Variants in RORA observed in about 807,000 individuals in gnomAD.
RORA encodes the protein nuclear receptor ROR-alpha.
RORA carries 7 observed loss-of-function variants against 69.5 expected under a neutral mutation model. The observed-to-expected ratio is 0.10, with a 90% CI of 0.06 to 0.19. The LOEUF (loss-of-function observed/expected upper bound fraction) is 0.19, where lower values mean the gene tolerates loss of function less well. Among genes scored for constraint, RORA ranks in the 10% least tolerant of loss-of-function variants. The pLI is 1.00. For missense variants in RORA, 457 were observed against 663.0 expected (o/e 0.69, Z 3.41); for synonymous variants, 261 against 240.8 (o/e 1.08, Z -0.78).
At chr15:61,141,829 G>A (rs147966049) in intron 1 of RORA, among the ~76,000 whole-genome samples, 25 of 152,316 alleles carry the variant, frequency 1.6e-4, no homozygotes, top group African/African-American at 5.3e-4. Flanking sequence ...AGGAGGCACA[G>A]AGACAAACTT....
chr15:60,947,688 T>TAAAAAAAAAAAAAA (rs35887206), intron 1 of RORA, among the ~76,000 whole-genome samples: 4 of 102,944 alleles, frequency 3.9e-5, no homozygotes, highest in African/African-American at 4.2e-5. Flanking sequence ...GAATGATCAA[T>TAAAAAAAAAAAAAA]AAAAAAAAAA....
chr15:60,553,441 T>C (rs1161126783), intron 2 of RORA, among the ~76,000 whole-genome samples: 1 of 152,154 alleles, frequency 6.6e-6, no homozygotes, highest in South Asian at 2.1e-4. Context: ...TCACAGAGAC[T>C]AACAGCTATT....
intron 2 of RORA, among the ~76,000 whole-genome samples, chr15:60,597,081 A>G (rs776914655): frequency 2.6e-5 from 4 of 152,290 alleles, no homozygotes; most frequent in Non-Finnish European, 5.9e-5. Context: ...AAGGTGTAAC[A>G]TGTCTGGTTG....
Position 61,143,493 on chromosome 15 carries a change from C to G in RORA, c.166+85560G>C, listed in dbSNP as rs532356920. On this transcript the variant is annotated intron_variant, in intron 1 of 10. Transcript: ENST00000335670. Reference sequence around the variant, plus strand: ...ACCTGTGAGCATTGCCAGTAAAATTCTGAAATATAAGGTTATTAACTCTAT... The same window carrying G: ...ACCTGTGAGCATTGCCAGTAAAATTGTGAAATATAAGGTTATTAACTCTAT... Among the ~76,000 whole-genome samples the G allele has an allele frequency of 1.4e-4, 22 of 152,210 alleles. No individual in the cohort carries two copies. The South Asian group carries it at 4.6e-3, about 32-fold the overall frequency.
chr15:60,844,286 A>G (rs1285105683), intron 1 of RORA, among the ~76,000 whole-genome samples: 1 of 152,180 alleles, frequency 6.6e-6, no homozygotes. Flanking sequence ...CTGGGTTGTC[A>G]GCTCAGTTAC....
chr15:60,909,691 A>G (rs973133302), intron 1 of RORA, among the ~76,000 whole-genome samples: 14 of 152,232 alleles, frequency 9.2e-5, no homozygotes, highest in African/African-American at 2.9e-4. Context: ...CGTGGGTCAC[A>G]TTAGGGGACA....
At chr15:60,951,157 A>G in intron 1 of RORA, among the ~76,000 whole-genome samples, 1 of 152,222 alleles carries the variant, frequency 6.6e-6, no homozygotes, top group Non-Finnish European at 1.5e-5. Flanking sequence ...GCTCAACTAC[A>G]TGGAAACTGA....
chr15:60,935,144 G>C (rs919845193), intron 1 of RORA, among the ~76,000 whole-genome samples: 1 of 152,226 alleles, frequency 6.6e-6, no homozygotes, highest in Non-Finnish European at 1.5e-5. Context: ...GTGTACTACA[G>C]AGGACTATTT....
intron 1 of RORA, among the ~76,000 whole-genome samples, chr15:60,903,377 T>C (rs1269648588): frequency 1.3e-5 from 2 of 152,192 alleles, no homozygotes; most frequent in African/African-American, 2.4e-5. Context: ...TTGTTTCTAC[T>C]GTTGGACGCG....
At chr15:60,983,013 G>A (rs538384217) in intron 1 of RORA, among the ~76,000 whole-genome samples, 50 of 152,224 alleles carry the variant, frequency 3.3e-4, no homozygotes, top group Non-Finnish European at 6.2e-4. Context: ...GAAGACTGGC[G>A]GGTGGGGAGT....
intron 1 of RORA, among the ~76,000 whole-genome samples, chr15:60,892,696 G>C (rs2073825061): frequency 6.6e-6 from 1 of 152,184 alleles, no homozygotes; most frequent in Non-Finnish European, 1.5e-5. Context: ...TTTCACTCTA[G>C]AGGCTGAAAC....
intron 1 of RORA, among the ~76,000 whole-genome samples, chr15:61,221,168 T>C (rs142948643): frequency 6.6e-6 from 1 of 152,202 alleles, no homozygotes; most frequent in Non-Finnish European, 1.5e-5. Flanking sequence ...CAGAAAAAAT[T>C]ACACCATGTG....
At chr15:60,771,618 A>C (rs1304982006) in intron 1 of RORA, among the ~76,000 whole-genome samples, 1 of 152,202 alleles carries the variant, frequency 6.6e-6, no homozygotes, top group Admixed American at 6.5e-5. Context: ...CTTTCCCTGC[A>C]TTGAGGGAAG....
At chr15:61,135,527 A>G (rs2079229698) in intron 1 of RORA, among the ~76,000 whole-genome samples, 1 of 145,462 alleles carries the variant, frequency 6.9e-6, no homozygotes, top group Non-Finnish European at 1.5e-5. Flanking sequence ...TTTTTCTCAC[A>G]CTTTGATGCT....
intron 10 of RORA, among the ~76,000 whole-genome samples, chr15:60,499,514 G>C (rs2065265350): frequency 1.3e-5 from 2 of 152,136 alleles, no homozygotes; most frequent in African/African-American, 4.8e-5. Context: ...CTCCAGCCTG[G>C]GAGACGGAGT....
chr15:61,211,710 G>T (rs890070998), intron 1 of RORA, among the ~76,000 whole-genome samples: 3 of 152,154 alleles, frequency 2.0e-5, no homozygotes, highest in Non-Finnish European at 4.4e-5. Context: ...ACAGGGCAGA[G>T]CCCCCTCCCG....
intron 1 of RORA, among the ~76,000 whole-genome samples, chr15:61,050,243 G>T (rs1011111230): frequency 6.6e-6 from 1 of 152,216 alleles, no homozygotes; most frequent in East Asian, 1.9e-4. Context: ...GCAGCGATGA[G>T]TCATGAGACA....
At chr15:60,606,803 A>G (rs1303727972) in intron 2 of RORA, among the ~76,000 whole-genome samples, 3 of 150,064 alleles carry the variant, frequency 2.0e-5, no homozygotes, top group African/African-American at 4.9e-5. Flanking sequence ...ATACTTTTCA[A>G]TCAGACATCT....
intron 1 of RORA, among the ~76,000 whole-genome samples, chr15:60,796,200 G>T (rs1469035144): frequency 6.6e-6 from 1 of 152,162 alleles, no homozygotes; most frequent in African/African-American, 2.4e-5. Flanking sequence ...ATCACAGTGA[G>T]GGTGGTATTC....
Sources: allele counts gnomAD v4.1 joint callset (sites outside exome capture counted in the v4.1 genomes callset), GRCh38; gene constraint gnomAD v4.1.1; transcripts MANE v1.5; gene names NCBI Gene and HGNC (gene_info 2026-07-23, HGNC 2026-07-21).